Variants in NRXN1 observed in about 807,000 individuals in gnomAD.
NRXN1 encodes neurexin-1.
A neutral mutation model predicts 150.9 loss-of-function variants in NRXN1; 39 were observed. The observed-to-expected ratio is 0.26, with a 90% CI of 0.20 to 0.34. NRXN1 has a LOEUF of 0.34. Ranked by LOEUF, NRXN1 falls within the 10% of genes least tolerant of loss-of-function variation. The pLI is 1.00. For missense variants in NRXN1, 1,815 were observed against 1,949.9 expected (o/e 0.93, Z 1.30); for synonymous variants, 924 against 757.0 (o/e 1.22, Z -3.62).
At chr2:50,664,119 G>A (rs570784151) in intron 5 of NRXN1, among the ~76,000 whole-genome samples, 1 of 152,044 alleles carries the variant, frequency 6.6e-6, no homozygotes, top group South Asian at 2.1e-4. Context: ...GACGACAAAT[G>A]CACAATTAAA....
chr2:50,677,894 T>C (rs1045189431), intron 5 of NRXN1, among the ~76,000 whole-genome samples: 1 of 152,074 alleles, frequency 6.6e-6, no homozygotes, highest in Non-Finnish European at 1.5e-5. Context: ...AATCACCACC[T>C]ACTTTTAAAC....
chr2:50,982,724 T>C (rs551178107), intron 2 of NRXN1, among the ~76,000 whole-genome samples: 1 of 152,042 alleles, frequency 6.6e-6, no homozygotes, highest in Non-Finnish European at 1.5e-5. Flanking sequence ...TATAAAAATA[T>C]AAAAATAATA....
At chr2:50,614,113 A>T (rs1181224008) in intron 8 of NRXN1, among the ~76,000 whole-genome samples, 1 of 152,198 alleles carries the variant, frequency 6.6e-6, no homozygotes. Context: ...AGTAAATTGT[A>T]AAATGGTACC....
chr2:50,952,187 C>T (rs1388966208), intron 2 of NRXN1, among the ~76,000 whole-genome samples: 5 of 151,050 alleles, frequency 3.3e-5, no homozygotes, highest in African/African-American at 4.8e-5. Flanking sequence ...GGGATGGTCT[C>T]GATCTCCTGA....
chr2:50,223,248 A>C (rs2064048155), intron 18 of NRXN1, among the ~76,000 whole-genome samples: 1 of 151,980 alleles, frequency 6.6e-6, no homozygotes, highest in South Asian at 2.1e-4. Context: ...AAAGTTAAGG[A>C]AAAACTAGTT....
At chr2:50,009,655 A>G (rs1685326947) in intron 21 of NRXN1, among the ~76,000 whole-genome samples, 1 of 152,182 alleles carries the variant, frequency 6.6e-6, no homozygotes. Context: ...TTAAAATCGT[A>G]CAAAAAGAGA....
chr2:50,601,150 G>T (rs182308929), intron 8 of NRXN1, among the ~76,000 whole-genome samples: 1 of 151,950 alleles, frequency 6.6e-6, no homozygotes, highest in East Asian at 1.9e-4. Flanking sequence ...TAACTACAGG[G>T]TTTATTTCCC....
At chr2:49,944,505 C>T (rs948105284) in intron 21 of NRXN1, among the ~76,000 whole-genome samples, 15 of 152,122 alleles carry the variant, frequency 9.9e-5, no homozygotes, top group Non-Finnish European at 2.1e-4. Context: ...TTCTCTGTGA[C>T]ATTCTAGTTG....
At chr2:50,598,832 A>G (rs1675755841) in intron 8 of NRXN1, among the ~76,000 whole-genome samples, 1 of 151,392 alleles carries the variant, frequency 6.6e-6, no homozygotes. Context: ...ATCTTGGCTC[A>G]CTGCAACCTC....
At chr2:50,739,769 A>G (rs1699209203) in intron 5 of NRXN1, among the ~76,000 whole-genome samples, 1 of 152,182 alleles carries the variant, frequency 6.6e-6, no homozygotes, top group South Asian at 2.1e-4. Flanking sequence ...ATCTTGTCCA[A>G]TGGGGATAAT....
At chr2:50,057,209 C>T (rs1331130184) in intron 19 of NRXN1, among the ~76,000 whole-genome samples, 2 of 152,140 alleles carry the variant, frequency 1.3e-5, no homozygotes, top group African/African-American at 4.8e-5. Flanking sequence ...CCTCCCTGTC[C>T]CCTCTCACGG....
intron 5 of NRXN1, among the ~76,000 whole-genome samples, chr2:50,853,831 G>C (rs958933321): frequency 3.9e-5 from 6 of 151,930 alleles, no homozygotes; most frequent in Non-Finnish European, 8.8e-5. Context: ...GCTTTAAATG[G>C]AACCTAATGA....
At chr2:50,711,267 C>A (rs1695101184) in intron 5 of NRXN1, among the ~76,000 whole-genome samples, 1 of 150,422 alleles carries the variant, frequency 6.6e-6, no homozygotes, top group South Asian at 2.1e-4. Flanking sequence ...TCTGAAACAG[C>A]CCTCAGGAAT....
intron 17 of NRXN1, among the ~76,000 whole-genome samples, chr2:50,367,454 T>A (rs2079666745): frequency 6.6e-6 from 1 of 152,020 alleles, no homozygotes; most frequent in African/African-American, 2.4e-5. Context: ...ATTATCAATA[T>A]ATCAAATTAT....
intron 5 of NRXN1, among the ~76,000 whole-genome samples, chr2:50,850,231 GAA>G (rs539460509): frequency 1.1e-4 from 8 of 72,832 alleles, no homozygotes; most frequent in Admixed American, 1.6e-4. Flanking sequence ...TGTCTCGACA[GAA>G]AAAAAAAAAA....
chr2:50,471,463 C>G (rs1352758011), intron 16 of NRXN1, among the ~76,000 whole-genome samples: 1 of 151,864 alleles, frequency 6.6e-6, no homozygotes, highest in Admixed American at 6.6e-5. Flanking sequence ...AAGTAGTATT[C>G]TGTGGAATAT....
chr2:50,057,111 C>T (rs1398643797), intron 19 of NRXN1, among the ~76,000 whole-genome samples: 1 of 152,130 alleles, frequency 6.6e-6, no homozygotes, highest in Non-Finnish European at 1.5e-5. Context: ...TGTCACTTGT[C>T]TAGTATAACC....
intron 22 of NRXN1, among the ~76,000 whole-genome samples, 162 bp from the exon 23 acceptor site, chr2:49,922,413 A>G (rs1668376041): frequency 6.6e-6 from 1 of 152,174 alleles, no homozygotes; most frequent in Non-Finnish European, 1.5e-5. Flanking sequence ...GGTTACTAAA[A>G]ACTAGGGACT....
At chr2:50,808,410 A>C (rs1195187899) in intron 5 of NRXN1, among the ~76,000 whole-genome samples, 1 of 152,118 alleles carries the variant, frequency 6.6e-6, no homozygotes, top group Non-Finnish European at 1.5e-5. Context: ...GGCAGAGGTA[A>C]ATTAACCAAC....
Sources: allele counts gnomAD v4.1 joint callset (sites outside exome capture counted in the v4.1 genomes callset), GRCh38; gene constraint gnomAD v4.1.1; transcripts MANE v1.5; gene names NCBI Gene and HGNC (gene_info 2026-07-23, HGNC 2026-07-21).